The following ZNF804B variants were observed in gnomAD, a reference collection of about 807,000 sequenced individuals.
ZNF804B encodes zinc finger 804B.
In ZNF804B, 80 loss-of-function variants were observed where a neutral mutation model predicts 101.4. The observed-to-expected ratio is 0.79, with a 90% CI of 0.66 to 0.95. The LOEUF is 0.95. Ranked by LOEUF, ZNF804B falls within the 40% of genes least tolerant of loss-of-function variation. ZNF804B has a pLI of 0.00. For synonymous variants in ZNF804B, 622 were observed against 558.8 expected (o/e 1.11, Z -1.59); for missense variants, 1,673 against 1,561.9 (o/e 1.07, Z -1.20).
chr7:89,045,058 A>G (rs992344779), intron 1 of ZNF804B, among the ~76,000 whole-genome samples: 5 of 152,172 alleles, frequency 3.3e-5, no homozygotes, highest in African/African-American at 1.2e-4. Context: ...TGCAGTTGGG[A>G]CATGGTGTCC....
At chr7:89,310,376 A>G (rs1002283188) in intron 2 of ZNF804B, among the ~76,000 whole-genome samples, 5 of 152,174 alleles carry the variant, frequency 3.3e-5, no homozygotes, top group African/African-American at 1.2e-4. Flanking sequence ...ACTCAATACT[A>G]TCTTTAGATT....
chr7:88,862,164 A>G (rs1040729942), intron 1 of ZNF804B, among the ~76,000 whole-genome samples: 4 of 152,214 alleles, frequency 2.6e-5, no homozygotes, highest in Non-Finnish European at 4.4e-5. Context: ...GACATGTAGT[A>G]TAAAATTATG....
intron 1 of ZNF804B, among the ~76,000 whole-genome samples, chr7:89,002,748 C>T (rs981349833): frequency 6.6e-6 from 1 of 151,734 alleles, no homozygotes; most frequent in Non-Finnish European, 1.5e-5. Flanking sequence ...CAAGCTGGCT[C>T]TATAAATAAT....
chr7:88,877,469 G>C (rs1791970975), intron 1 of ZNF804B, among the ~76,000 whole-genome samples: 1 of 152,050 alleles, frequency 6.6e-6, no homozygotes. Context: ...ATTATAATTT[G>C]AATTCCAGTC....
chr7:88,939,998 GTAA>G (rs1793033298), intron 1 of ZNF804B, among the ~76,000 whole-genome samples: 5 of 151,982 alleles, frequency 3.3e-5, no homozygotes. Flanking sequence ...ACAGACAAAA[GTAA>G]TAATATGGAA....
At chr7:89,122,105 A>G (rs890238982) in intron 1 of ZNF804B, among the ~76,000 whole-genome samples, 18 of 152,012 alleles carry the variant, frequency 1.2e-4, no homozygotes, top group African/African-American at 3.9e-4. Flanking sequence ...ATATAGTTAA[A>G]ATACAATAGT....
intron 1 of ZNF804B, among the ~76,000 whole-genome samples, chr7:89,072,098 C>T (rs1474460845): frequency 6.6e-6 from 1 of 152,148 alleles, no homozygotes; most frequent in Non-Finnish European, 1.5e-5. Flanking sequence ...TCTGTAGGTA[C>T]AGATGTGAGG....
At chr7:88,930,754 A>G (rs530241699) in intron 1 of ZNF804B, among the ~76,000 whole-genome samples, 1 of 152,008 alleles carries the variant, frequency 6.6e-6, no homozygotes, top group Non-Finnish European at 1.5e-5. Flanking sequence ...TTTTGATGGC[A>G]TTCATCAAAT....
At position 88,811,054 on chromosome 7, in the gene ZNF804B, TA is replaced by T. The variant is rs536084876; in HGVS notation, c.108+50982del. Among the ~76,000 whole-genome samples, 561 of 143,180 alleles carry T rather than the reference TA, an allele frequency of 3.9e-3. 4 individuals carry two copies. The highest frequency in any genetic ancestry group is 0.011 in the African/African-American group (447 of 39,392). 93.9% of individuals were successfully genotyped at this position (143,180 alleles called of 152,430 possible). On this transcript the variant is annotated intron_variant, in intron 1 of 3. Transcript: ENST00000333190. Reference sequence around the variant, plus strand: ...AAAATTAGAATGCCCATCTCAGAATTAAAAAAAAAAAACATTAAAAAACAGA... The same window carrying T: ...AAAATTAGAATGCCCATCTCAGAATTAAAAAAAAAAACATTAAAAAACAGA...
chr7:89,216,500 A>T (rs1263829477), intron 1 of ZNF804B, among the ~76,000 whole-genome samples: 1 of 152,126 alleles, frequency 6.6e-6, no homozygotes, highest in Non-Finnish European at 1.5e-5. Context: ...ATCAGTCTCC[A>T]TTCTCATTAC....
chr7:88,776,370 T>C (rs977420769), intron 1 of ZNF804B, among the ~76,000 whole-genome samples: 2 of 152,160 alleles, frequency 1.3e-5, no homozygotes, highest in African/African-American at 4.8e-5. Flanking sequence ...TTGGTTTTTA[T>C]TGGGAAGAGA....
intron 1 of ZNF804B, among the ~76,000 whole-genome samples, chr7:88,887,997 T>A (rs560378100): frequency 6.6e-6 from 1 of 152,186 alleles, no homozygotes; most frequent in Non-Finnish European, 1.5e-5. Context: ...TATTGTCACT[T>A]TTTTACTGGC....
At chr7:89,283,796 G>A (rs1790135502) in intron 2 of ZNF804B, among the ~76,000 whole-genome samples, 1 of 151,934 alleles carries the variant, frequency 6.6e-6, no homozygotes, top group African/African-American at 2.4e-5. Flanking sequence ...ACCCTAGGTA[G>A]CATAGATTAG....
chr7:89,232,636 A>G (rs1789210188), intron 2 of ZNF804B, among the ~76,000 whole-genome samples: 1 of 152,096 alleles, frequency 6.6e-6, no homozygotes, highest in Non-Finnish European at 1.5e-5. Context: ...TGTCCAGTTC[A>G]TGTATGTTGT....
rs1792850744 is a variant in ZNF804B, at chr7:88,929,417, A to C, written c.108+169333A>C. Among the ~76,000 whole-genome samples the C allele has an allele frequency of 5.3e-5, 8 of 151,994 alleles. No homozygotes were observed. The South Asian group carries it at 1.7e-3, about 31-fold the overall frequency. ...CACTTACCAGTACAATTTGTTAATT[A>C]ATAGAGTTTTGAGTTAAAAGGTAAG... On this transcript the variant is annotated intron_variant, in intron 1 of 3. Coordinates refer to ENST00000333190, the MANE Select transcript of ZNF804B (RefSeq NM_181646.5).
intron 1 of ZNF804B, among the ~76,000 whole-genome samples, chr7:89,120,527 G>GGGT (rs887633012): frequency 6.6e-6 from 1 of 151,178 alleles, no homozygotes; most frequent in Non-Finnish European, 1.5e-5. Flanking sequence ...GCGTGGTGGT[G>GGGT]GGTGCCTGTA....
chr7:89,328,833 T>A (rs1790933293), intron 3 of ZNF804B, among the ~76,000 whole-genome samples: 1 of 151,868 alleles, frequency 6.6e-6, no homozygotes, highest in African/African-American at 2.4e-5. Flanking sequence ...ATAATTTTGG[T>A]TGTTTGTTAT....
In ZNF804B at chr7:88,824,416, C is replaced by T. The variant is rs191477290; in HGVS notation, c.108+64332C>T. ...AGAAGGACATGCTTCCTGTTCCTTC[C>T]ACCATGATTGTAAGTTTCCTGAGAC... On this transcript the variant is annotated intron_variant, in intron 1 of 3. Transcript: ENST00000333190. Among the ~76,000 whole-genome samples, 42 of 152,198 alleles carry T rather than the reference C, an allele frequency of 2.8e-4. No individual in the cohort carries two copies. In the East Asian group the frequency reaches 7.4e-3, roughly 27 times the overall value.
rs1384122364 is a variant in ZNF804B at position 88,959,544 on chromosome 7, G to C, written c.108+199460G>C. Among the ~76,000 whole-genome samples the C allele has an allele frequency of 1.1e-4, 17 of 151,054 alleles. No individual in the cohort carries two copies. In the Admixed American group the frequency reaches 1.1e-3, roughly 10 times the overall value. Reference sequence around the variant, plus strand: ...TGGAACCTTTATTCTACTTTCTTGAGAATATCTGAGAGCTGTCATTTCTCC... The same window carrying C: ...TGGAACCTTTATTCTACTTTCTTGACAATATCTGAGAGCTGTCATTTCTCC... On this transcript the variant is annotated intron_variant, in intron 1 of 3. Coordinates refer to ENST00000333190, the MANE Select transcript of ZNF804B (RefSeq NM_181646.5).
Sources: gnomAD v4.1 joint callset for allele counts (sites outside exome capture counted in the v4.1 genomes callset) on GRCh38, gnomAD v4.1.1 for gene constraint, MANE v1.5 for transcripts, NCBI Gene and HGNC (gene_info 2026-07-23, HGNC 2026-07-21) for gene names.